Variants in STON2 observed in about 807,000 individuals in gnomAD.
The protein encoded by STON2 is stonin-2.
In STON2, 29 loss-of-function variants were observed where a neutral mutation model predicts 65.7. The ratio of observed to expected loss-of-function variants is 0.44; its 90% CI spans 0.33 to 0.60. The LOEUF (loss-of-function observed/expected upper bound fraction) is 0.60. Among genes scored for constraint, STON2 ranks in the 20% least tolerant of loss-of-function variants. The probability of loss-of-function intolerance (pLI) is 0.03; values close to 1 mark genes in which losing one functional copy is unlikely to be tolerated. For missense variants in STON2, 1,054 were observed against 1,118.1 expected, an observed-to-expected ratio of 0.94 and a Z score of 0.82; for synonymous variants, 404 against 414.2, an observed-to-expected ratio of 0.98 and a Z score of 0.30.
At chr14:81,401,191 T>C (rs901839625), upstream of STON2, among the ~76,000 whole-genome samples, 4 of 152,238 alleles carry the variant, frequency 2.6e-5, no homozygotes, top group South Asian at 2.1e-4. Flanking sequence ...AGTAGAGTCA[T>C]GTGCTCAGCT....
intron 3 of STON2, among the ~76,000 whole-genome samples, chr14:81,393,210 T>C (rs1191934461): frequency 2.6e-5 from 4 of 152,200 alleles, no homozygotes; most frequent in African/African-American, 9.7e-5. Context: ...GTCATATAAA[T>C]AGTTTTGAGC....
chr14:81,357,573 T>C (rs1389876194), intron 4 of STON2, among the ~76,000 whole-genome samples: 7 of 151,998 alleles, frequency 4.6e-5, no homozygotes, highest in African/African-American at 1.7e-4. Context: ...GGACTATAAA[T>C]CATGCTGCTA....
chr14:81,372,648 G>C (rs2140370457), intron 3 of STON2, among the ~76,000 whole-genome samples: 1 of 151,050 alleles, frequency 6.6e-6, no homozygotes, highest in East Asian at 1.9e-4. Context: ...AAGACAGGAA[G>C]AATGAAAACA....
intron 4 of STON2, among the ~76,000 whole-genome samples, chr14:81,334,827 T>G (rs899169550): frequency 6.6e-6 from 1 of 152,032 alleles, no homozygotes; most frequent in African/African-American, 2.4e-5. Flanking sequence ...ACCAATGATT[T>G]TTACCAATTT....
chr14:81,337,241 T>G (rs774006308), intron 4 of STON2, among the ~76,000 whole-genome samples: 16 of 152,164 alleles, frequency 1.1e-4, no homozygotes, highest in Non-Finnish European at 1.9e-4. Flanking sequence ...TTGGAAGTGA[T>G]CTAATAATGA....
chr14:81,340,822 G>A (rs1897580086), intron 4 of STON2, among the ~76,000 whole-genome samples: 1 of 151,690 alleles, frequency 6.6e-6, no homozygotes. Context: ...CCTGGACAAG[G>A]ACATTATATA....
intron 5 of STON2, among the ~76,000 whole-genome samples, chr14:81,284,540 T>C (rs1306416852): frequency 1.3e-5 from 2 of 152,206 alleles, no homozygotes; most frequent in African/African-American, 2.4e-5. Context: ...GGTTGGTTCA[T>C]GAGGTTTAAG....
intron 4 of STON2, among the ~76,000 whole-genome samples, chr14:81,332,314 C>A (rs535763054): frequency 1.3e-5 from 2 of 152,302 alleles, no homozygotes; most frequent in South Asian, 2.1e-4. Context: ...AAGTCACATT[C>A]GCATTTTAAA....
At chr14:81,406,501 G>C (rs1428018585) in intron 2 of STON2, among the ~76,000 whole-genome samples, 1 of 152,098 alleles carries the variant, frequency 6.6e-6, no homozygotes, top group Non-Finnish European at 1.5e-5. Flanking sequence ...TAGCAGAGTT[G>C]AGTAGCTGTG....
intron 1 of STON2, among the ~76,000 whole-genome samples, chr14:81,435,724 CTCATCT>C (rs1052736547): frequency 1.8e-4 from 28 of 152,182 alleles, no homozygotes; most frequent in African/African-American, 6.8e-4. Flanking sequence ...CACACGCACT[CTCATCT>C]TCAACTCTTC....
intron 7 of STON2, chr14:81,269,393 G>A: frequency 2.0e-6 from 2 of 985,272 alleles, no homozygotes; most frequent in Non-Finnish European, 2.4e-6. Flanking sequence ...GCAAAATACT[G>A]TCACTGTAAT....
intron 5 of STON2, among the ~76,000 whole-genome samples, chr14:81,309,408 T>C (rs750121462): frequency 2.0e-5 from 3 of 152,252 alleles, no homozygotes; most frequent in Non-Finnish European, 2.9e-5. Context: ...CTTGAATGTA[T>C]ATTTATTGTC....
At chr14:81,378,839 C>T (rs1276761306) in intron 3 of STON2, among the ~76,000 whole-genome samples, 1 of 151,996 alleles carries the variant, frequency 6.6e-6, no homozygotes, top group Non-Finnish European at 1.5e-5. Context: ...AAAATCTTAC[C>T]ATCATAGTAT....
intron 2 of STON2, among the ~76,000 whole-genome samples, chr14:81,418,943 T>C (rs964558648): frequency 1.3e-5 from 2 of 152,128 alleles, no homozygotes; most frequent in African/African-American, 4.8e-5. Context: ...CCCACCCTTT[T>C]TAGCAAGATT....
intron 5 of STON2, among the ~76,000 whole-genome samples, chr14:81,297,166 A>C (rs757824721): frequency 2.0e-5 from 3 of 152,192 alleles, no homozygotes; most frequent in Non-Finnish European, 4.4e-5. Context: ...GCTGCCTCCA[A>C]GACAAGTAGT....
chr14:81,322,687 G>C (rs1399078294), intron 5 of STON2, among the ~76,000 whole-genome samples: 1 of 152,194 alleles, frequency 6.6e-6, no homozygotes, highest in African/African-American at 2.4e-5. Flanking sequence ...CACCCTAAGA[G>C]AGAAATTTTC....
At chr14:81,329,479 G>GAC (rs1555400104) in intron 4 of STON2, among the ~76,000 whole-genome samples, 125 of 149,940 alleles carry the variant, frequency 8.3e-4, no homozygotes, top group African/African-American at 2.9e-3. Flanking sequence ...AAAAGAGAGA[G>GAC]ACAAAGATAC....
Position 81,400,308 on chromosome 14 carries a change from A to G in STON2, c.-228T>C, listed in dbSNP as rs764910952. On this transcript the variant is annotated 5_prime_UTR_variant, in exon 1 of 8. Coordinates refer to ENST00000614646, the MANE Select transcript of STON2 (RefSeq NM_001394390.1). The stretch of plus-strand genomic sequence containing the variant: ...GAGCAGTGCAGGGTCCACAAGCACA[A>G]AGAGCTGATTCCCACTGGCTTCTGC... Among the ~76,000 whole-genome samples the G allele has an allele frequency of 6.6e-5, 10 of 152,112 alleles. No homozygotes were observed. The highest frequency in any genetic ancestry group is 2.6e-4 in the Admixed American group (4 of 15,272).
At chr14:81,377,823 T>C (rs992977326) in intron 3 of STON2, among the ~76,000 whole-genome samples, 1 of 152,092 alleles carries the variant, frequency 6.6e-6, no homozygotes, top group Non-Finnish European at 1.5e-5. Context: ...TGGTGAAACA[T>C]ATGTTTATTT....
Sources: allele counts gnomAD v4.1 joint callset (sites outside exome capture counted in the v4.1 genomes callset), GRCh38; gene constraint gnomAD v4.1.1; transcripts MANE v1.5; gene names NCBI Gene and HGNC (gene_info 2026-07-23, HGNC 2026-07-21).